SRRM3: variants seen among roughly 807,000 people sequenced by gnomAD.
The protein encoded by SRRM3 is serine/arginine repetitive matrix protein 3.
A neutral mutation model predicts 66.2 loss-of-function variants in SRRM3; 27 were observed. The observed-to-expected ratio is 0.41, with a 90% CI of 0.30 to 0.56. The LOEUF is 0.56. Among genes scored for constraint, SRRM3 ranks in the 20% least tolerant of loss-of-function variants. SRRM3 has a pLI of 0.32. For synonymous variants in SRRM3, 391 were observed against 414.9 expected, an observed-to-expected ratio of 0.94 and a Z score of 0.70; for missense variants, 918 against 991.9, an observed-to-expected ratio of 0.93 and a Z score of 1.00.
intron 9 of SRRM3, 141 bp downstream of exon 9, chr7:76,264,956 C>A: frequency 1.0e-6 from 1 of 973,620 alleles, no homozygotes. Context: ...AGAAAGAAAG[C>A]CAAGGGCTCT....
In SRRM3 at chr7:76,264,760, T is replaced by C. The variant is rs371719183; in HGVS notation, c.675-5T>C. ...CACCATCACTGTGGTCTCTGCTCTCTGCAGATCTCGAAGCTCCAAGTGCAA... is the reference window on the plus strand; with the variant it reads ...CACCATCACTGTGGTCTCTGCTCTCCGCAGATCTCGAAGCTCCAAGTGCAA... On this transcript the variant is annotated splice_region_variant and splice_polypyrimidine_tract_variant and intron_variant, in intron 8 of 14. Coordinates refer to ENST00000611745, the MANE Select transcript of SRRM3 (RefSeq NM_001110199.3). The C allele has an allele frequency of 2.3e-4, 367 of 1,613,684 alleles. 1 individual carries two copies. The highest frequency in any genetic ancestry group is 2.9e-4 in the Non-Finnish European group (338 of 1,179,868).
At chr7:76,244,523 CAAAAAA>C (rs10611441) in intron 2 of SRRM3, among the ~76,000 whole-genome samples, 1 of 112,186 alleles carries the variant, frequency 8.9e-6, no homozygotes. Context: ...GACTCCATCT[CAAAAAA>C]AAAAAAAAAA....
intron 1 of SRRM3, among the ~76,000 whole-genome samples, chr7:76,207,044 C>G (rs782670734): frequency 1.5e-4 from 23 of 152,202 alleles, no homozygotes; most frequent in Non-Finnish European, 2.8e-4. Flanking sequence ...AGGACAGAGA[C>G]AGGTAAAAGC....
rs570511629 is a variant in SRRM3 at position 76,268,925 on chromosome 7, C to T, written c.1008+1490C>T. 2.0e-5 allele frequency: 3 copies of T among 152,406 alleles called. No homozygotes were observed. In the South Asian group the frequency reaches 6.2e-4, roughly 32 times the overall value. The allele number at this position is 152,406 out of a possible 1,614,324, so 9.4% of individuals were successfully genotyped here. A position where few individuals can be genotyped will look rare whatever the true frequency, so the allele number is the denominator to read the frequency against. On this transcript the variant is annotated intron_variant, in intron 11 of 14. Coordinates refer to ENST00000611745, the MANE Select transcript of SRRM3 (RefSeq NM_001110199.3). ...CATGGAGTCCCAAGAGCACAGGACC[C>T]GAAACACCTTCTTGCCAGCTTCTCA...
chr7:76,260,110 C>A lies in SRRM3; in HGVS notation c.465-7C>A, dbSNP rs1341216313. The A allele has an allele frequency of 3.9e-6, 5 of 1,268,684 alleles. No individual in the cohort carries two copies. In the African/African-American group the frequency reaches 8.2e-5, roughly 21 times the overall value. The allele number at this position is 1,268,684 out of a possible 1,614,324, so 78.6% of individuals were successfully genotyped here. A position where few individuals can be genotyped will look rare whatever the true frequency, so the allele number is the denominator to read the frequency against. On this transcript the variant is annotated splice_polypyrimidine_tract_variant and splice_region_variant and intron_variant, in intron 4 of 14. Transcript: ENST00000611745. ...CACCGCCCCCACCCCCGCCCCTTCT[C>A]CCCCAGGACCAAGCATTGGTCTAGC...
At chr7:76,243,076 C>T (rs1444465484) in intron 2 of SRRM3, among the ~76,000 whole-genome samples, 2 of 152,172 alleles carry the variant, frequency 1.3e-5, no homozygotes, top group African/African-American at 4.8e-5. Context: ...CACCAGACCC[C>T]ACCTCCAACA....
chr7:76,211,959 C>T (rs1406158627), intron 1 of SRRM3, among the ~76,000 whole-genome samples: 1 of 150,900 alleles, frequency 6.6e-6, no homozygotes, highest in Non-Finnish European at 1.5e-5. Flanking sequence ...CCTGCCTCGG[C>T]CTCCTGAGTA....
intron 3 of SRRM3, among the ~76,000 whole-genome samples, chr7:76,249,653 C>T (rs1409953856): frequency 3.9e-5 from 6 of 152,332 alleles, no homozygotes; most frequent in East Asian, 1.9e-4. Context: ...TGGCAGGCAC[C>T]GTGTGCTCAG....
chr7:76,205,268 G>A (rs1800267223), intron 1 of SRRM3, among the ~76,000 whole-genome samples: 1 of 152,038 alleles, frequency 6.6e-6, no homozygotes, highest in South Asian at 2.1e-4. Flanking sequence ...GGAGTGCAGT[G>A]GTGCAATCTC....
In SRRM3 at chr7:76,282,560, C is replaced by T. The variant is rs1583946971; in HGVS notation, c.1371-88C>T. The T allele has an allele frequency of 8.4e-6, 5 of 592,466 alleles. No homozygotes were observed. The East Asian group carries it at 2.5e-4, about 29-fold the overall frequency. The allele number at this position is 592,466 out of a possible 1,614,324, so 36.7% of individuals were successfully genotyped here. A position where few individuals can be genotyped will look rare whatever the true frequency, so the allele number is the denominator to read the frequency against. On this transcript the variant is annotated intron_variant, in intron 12 of 14. Coordinates refer to ENST00000611745, the MANE Select transcript of SRRM3 (RefSeq NM_001110199.3). ...AAACTACACGGACCCCGCCCCTCCG[C>T]CCTAAGCCCCGCCCCAGGGAACCCT...
chr7:76,282,185 A>C, intron 12 of SRRM3, among the ~76,000 whole-genome samples: 1 of 145,050 alleles, frequency 6.9e-6, no homozygotes, highest in African/African-American at 2.6e-5. Flanking sequence ...CCCTCCACTG[A>C]CCTCCAAACT....
intron 1 of SRRM3, 64 bp from the exon 2 acceptor site, chr7:76,234,962 CAG>C (rs1554604610): frequency 2.2e-6 from 2 of 901,232 alleles, no homozygotes; most frequent in African/African-American, 3.5e-5. Flanking sequence ...TTAACTCCAG[CAG>C]AGAGGAGCTT....
At chr7:76,272,946 G>A (rs1294202243) in intron 11 of SRRM3, 2 of 152,202 alleles carry the variant, frequency 1.3e-5, no homozygotes, top group African/African-American at 4.8e-5. Context: ...CCTGAGGCAG[G>A]GCCACTCCTC....
intron 2 of SRRM3, among the ~76,000 whole-genome samples, chr7:76,240,282 G>T (rs1463697661): frequency 3.9e-5 from 6 of 152,102 alleles, no homozygotes; most frequent in Non-Finnish European, 2.9e-5. Flanking sequence ...CCAAGAGTTT[G>T]AGACCAGCCT....
Position 76,260,209 on chromosome 7 carries a change from G to T in SRRM3, c.545+12G>T. On this transcript the variant is annotated intron_variant, in intron 5 of 14. Coordinates refer to ENST00000611745, the MANE Select transcript of SRRM3 (RefSeq NM_001110199.3). ...CACCGGAGAAGCCGGTGAGAACCGCGCCTGACCGGAGCGGGAAGGGAGGAG... is the reference window on the plus strand; with the variant it reads ...CACCGGAGAAGCCGGTGAGAACCGCTCCTGACCGGAGCGGGAAGGGAGGAG... 1.3e-6 allele frequency: 2 copies of T among 1,526,162 alleles called. No homozygotes were observed. The highest frequency in any genetic ancestry group is 2.2e-5 in the Admixed American group (1 of 46,226). 94.5% of individuals were successfully genotyped at this position (1,526,162 alleles called of 1,614,324 possible). A position where few individuals can be genotyped will look rare whatever the true frequency, so the allele number is the denominator to read the frequency against.
intron 2 of SRRM3, among the ~76,000 whole-genome samples, chr7:76,245,626 T>C (rs1801421498): frequency 6.6e-6 from 1 of 152,208 alleles, no homozygotes; most frequent in Non-Finnish European, 1.5e-5. Context: ...TATACAATTA[T>C]TCACTGTAGT....
At chr7:76,255,139 TC>T (rs1554607490) in intron 3 of SRRM3, among the ~76,000 whole-genome samples, 57 of 112,752 alleles carry the variant, frequency 5.1e-4, no homozygotes, top group African/African-American at 1.6e-3. Context: ...TTTCTTTCTT[TC>T]TTTCTTTCTT....
chr7:76,248,402 G>A (rs782189408), intron 3 of SRRM3, 113 bp downstream of exon 3: 2 of 697,034 alleles, frequency 2.9e-6, no homozygotes, highest in Non-Finnish European at 5.0e-6. Flanking sequence ...CAGGTGAGGG[G>A]GTGGAGAGGA....
chr7:76,225,807 C>G (rs553947319), intron 1 of SRRM3, among the ~76,000 whole-genome samples: 1 of 152,284 alleles, frequency 6.6e-6, no homozygotes, highest in African/African-American at 2.4e-5. Context: ...ATGCATTAGT[C>G]CTTTACAACA....
Sources: gnomAD v4.1 joint callset for allele counts (sites outside exome capture counted in the v4.1 genomes callset) on GRCh38, gnomAD v4.1.1 for gene constraint, MANE v1.5 for transcripts, NCBI Gene and HGNC (gene_info 2026-07-23, HGNC 2026-07-21) for gene names.